Variants in RCOR3 observed in about 807,000 individuals in gnomAD.
RCOR3 encodes the protein REST corepressor 3.
In RCOR3, 13 loss-of-function variants were observed where a neutral mutation model predicts 64.1. That is an observed-to-expected ratio of 0.20 (90% CI 0.13 to 0.32). The LOEUF (loss-of-function observed/expected upper bound fraction) is 0.32. RCOR3 is among the 10% of genes least tolerant of loss of function. The pLI is 1.00. For missense variants in RCOR3, 489 were observed against 701.2 expected (o/e 0.70, Z 3.42); for synonymous variants, 215 against 239.0 (o/e 0.90, Z 0.93).
chr1:211,263,127 G>GT (rs559538229), intron 2 of RCOR3, among the ~76,000 whole-genome samples: 1,825 of 148,378 alleles, frequency 0.012, 15 homozygotes, highest in Middle Eastern at 0.073. Context: ...GCGGTGTTTG[G>GT]TTTTTTGTCC....
chr1:211,260,168 GA>G lies in RCOR3; in HGVS notation c.223+5del, dbSNP rs762836709. 40 of 1,611,736 alleles carry G rather than the reference GA, an allele frequency of 2.5e-5. No homozygotes were observed. In the African/African-American group the frequency reaches 4.8e-4, roughly 19 times the overall value. On this transcript the variant is annotated splice_donor_5th_base_variant and intron_variant, in intron 2 of 11. Coordinates refer to ENST00000419091, the MANE Select transcript of RCOR3 (RefSeq NM_001136223.3). ...CGGATCCCTGAATTTGATCCAGGTA[GA>G]TATATTTGCTTAAGCAAAATCTCAT... is the stretch of plus-strand genomic sequence containing the variant.
At chr1:211,273,821 A>G (rs1416009547) in intron 3 of RCOR3, among the ~76,000 whole-genome samples, 3 of 152,166 alleles carry the variant, frequency 2.0e-5, no homozygotes, top group Non-Finnish European at 4.4e-5. Context: ...GATCAACTCG[A>G]AATATGTGAA....
chr1:211,270,996 A>G lies in RCOR3; in HGVS notation c.224-236A>G, dbSNP rs983318450. Among the ~76,000 whole-genome samples, 27 of 152,128 alleles carry G rather than the reference A, an allele frequency of 1.8e-4. 1 individual carries two copies. The highest frequency in any genetic ancestry group is 1.7e-3 in the Admixed American group (26 of 15,278). On this transcript the variant is annotated intron_variant, in intron 2 of 11. Transcript: ENST00000419091. ...CAGCCTCCCTGGTAGCTGGGACTAC[A>G]GGTGCCTGCCACCAGCCTGGCTAAT...
At chr1:211,300,110 A>C (rs1571974670) in intron 9 of RCOR3, among the ~76,000 whole-genome samples, 7 of 118,984 alleles carry the variant, frequency 5.9e-5, no homozygotes, top group East Asian at 2.4e-4. Context: ...CACTCCCATC[A>C]CCCATGCTGG....
chr1:211,271,322 A>C lies in RCOR3; in HGVS notation c.301+13A>C, dbSNP rs571337564. ...CCAGATGCCAAATGTAAGTTTTCTG[A>C]AGTTGAATGTTAATGTCAGCAGGAG... On this transcript the variant is annotated intron_variant, in intron 3 of 11. Transcript: ENST00000419091. 1.3e-5 allele frequency: 21 copies of C among 1,606,652 alleles called. No homozygotes were observed. The African/African-American group carries it at 2.7e-4, about 20-fold the overall frequency.
At chr1:211,272,882 A>G (rs1192188247) in intron 3 of RCOR3, among the ~76,000 whole-genome samples, 3 of 151,506 alleles carry the variant, frequency 2.0e-5, no homozygotes, top group African/African-American at 2.4e-5. Flanking sequence ...CGGCCTCCCA[A>G]AGTGCTGGGA....
chr1:211,313,327 G>T lies in RCOR3; in HGVS notation c.1318-97G>T. On this transcript the variant is annotated intron_variant, in intron 11 of 11. Coordinates refer to ENST00000419091, the MANE Select transcript of RCOR3 (RefSeq NM_001136223.3). The surrounding 1 kb of genome is among the most constrained non-coding windows in gnomAD (Gnocchi z 4.7). ...TGGTGTTATGTTTTTGTTTTGTTTT[G>T]ATTTGTTTTGTTTTTCCTGTGACAG... 1 of 1,478,968 alleles carries T rather than the reference G, an allele frequency of 6.8e-7. No homozygotes were observed. The allele number at this position is 1,478,968 out of a possible 1,614,324, so 91.6% of individuals were successfully genotyped here.
intron 10 of RCOR3, among the ~76,000 whole-genome samples, chr1:211,308,778 C>T (rs891285581): frequency 1.5e-5 from 2 of 136,712 alleles, no homozygotes; most frequent in Admixed American, 1.6e-4. Flanking sequence ...GTGTCAGTAT[C>T]TCGGCTCACT....
At chr1:211,284,371 T>G (rs1032389715) in intron 7 of RCOR3, among the ~76,000 whole-genome samples, 2 of 151,724 alleles carry the variant, frequency 1.3e-5, no homozygotes, top group African/African-American at 4.8e-5. Context: ...TGAGCCACTG[T>G]GCCCGGCCAA....
chr1:211,277,401 A>G (rs1335086355), intron 5 of RCOR3, among the ~76,000 whole-genome samples: 6 of 152,212 alleles, frequency 3.9e-5, no homozygotes, highest in Admixed American at 2.0e-4. Context: ...GTGCATGATC[A>G]TTAGTCATTT....
At position 211,260,167 on chromosome 1, in the gene RCOR3, A is replaced by G. The variant is rs781755707; in HGVS notation, c.223+3A>G. On this transcript the variant is annotated splice_donor_region_variant and intron_variant, in intron 2 of 11. Coordinates refer to ENST00000419091, the MANE Select transcript of RCOR3 (RefSeq NM_001136223.3). Reference sequence around the variant, plus strand: ...TCGGATCCCTGAATTTGATCCAGGTAGATATATTTGCTTAAGCAAAATCTC... The same window carrying G: ...TCGGATCCCTGAATTTGATCCAGGTGGATATATTTGCTTAAGCAAAATCTC... The G allele has an allele frequency of 1.2e-6, 2 of 1,611,880 alleles. No individual in the cohort carries two copies.
intron 1 of RCOR3, 188 bp from the exon 2 acceptor site, chr1:211,259,920 C>T: frequency 9.8e-7 from 1 of 1,018,712 alleles, no homozygotes; most frequent in Non-Finnish European, 1.3e-6. Context: ...AATCCTCCGC[C>T]TTTGCCCCCC....
At chr1:211,272,070 A>C (rs1243236232) in intron 3 of RCOR3, among the ~76,000 whole-genome samples, 1 of 152,226 alleles carries the variant, frequency 6.6e-6, no homozygotes, top group African/African-American at 2.4e-5. Flanking sequence ...TATCATGAAT[A>C]GTAAGTTGAA....
intron 3 of RCOR3, 86 bp downstream of exon 3, chr1:211,271,395 T>C (rs906379578): frequency 3.2e-5 from 32 of 987,160 alleles, no homozygotes; most frequent in Middle Eastern, 2.3e-4. Context: ...TTGGGTCTTA[T>C]AGATTCTCAT....
At chr1:211,307,115 T>A (rs1158500172) in intron 10 of RCOR3, among the ~76,000 whole-genome samples, 1 of 152,220 alleles carries the variant, frequency 6.6e-6, no homozygotes, top group African/African-American at 2.4e-5. Flanking sequence ...ATACATATTT[T>A]TTCTAACCTA....
intron 8 of RCOR3, among the ~76,000 whole-genome samples, chr1:211,290,182 G>A (rs2102576456): frequency 6.6e-6 from 1 of 151,746 alleles, no homozygotes; most frequent in East Asian, 1.9e-4. Context: ...GTACTTTCTT[G>A]GTCTATATCA....
chr1:211,276,428 T>C lies in RCOR3; in HGVS notation c.516+10T>C. On this transcript the variant is annotated intron_variant, in intron 5 of 11. Transcript: ENST00000419091. ...CAGGATTCAGCAAATGGTATGGTAA[T>C]TTTAATCTTACTGTGGTTCATATGT... The C allele has an allele frequency of 6.2e-7, 1 of 1,610,172 alleles. No homozygotes were observed. The highest frequency in any genetic ancestry group is 2.2e-5 in the East Asian group (1 of 44,802).
intron 5 of RCOR3, 64 bp from the exon 6 acceptor site, chr1:211,278,052 AT>A (rs1697259881): frequency 5.8e-6 from 4 of 694,114 alleles, no homozygotes; most frequent in Admixed American, 8.2e-5. Flanking sequence ...TAGTAAAGAT[AT>A]CATCAAAATT....
chr1:211,265,703 G>A (rs1571783569), intron 2 of RCOR3, among the ~76,000 whole-genome samples: 1 of 152,190 alleles, frequency 6.6e-6, no homozygotes, highest in African/African-American at 2.4e-5. Flanking sequence ...TGGCGACAGA[G>A]CGAGACTCTG....
Sources: gnomAD v4.1 joint callset for allele counts (sites outside exome capture counted in the v4.1 genomes callset) on GRCh38, gnomAD v4.1.1 for gene constraint, Gnocchi (gnomAD v3.1) non-coding constraint, MANE v1.5 for transcripts, NCBI Gene and HGNC (gene_info 2026-07-23, HGNC 2026-07-21) for gene names.